LIPI: variants seen among roughly 807,000 people sequenced by gnomAD.
The protein encoded by LIPI is lipase I, also known as lipase member I.
In LIPI, 59 loss-of-function variants were observed where a neutral mutation model predicts 50.6. That is an observed-to-expected ratio of 1.16 (90% CI 0.94 to 1.45). The LOEUF is 1.45. LIPI is among the 40% of genes most tolerant of loss of function. The pLI, the probability that LIPI is intolerant of heterozygous loss-of-function variation, is 0.00. For missense variants in LIPI, 586 were observed against 536.3 expected, an observed-to-expected ratio of 1.09 and a Z score of -0.92; for synonymous variants, 203 against 178.2, an observed-to-expected ratio of 1.14 and a Z score of -1.11.
At chr21:14,138,451 A>G (rs904382974) in intron 9 of LIPI, among the ~76,000 whole-genome samples, 1 of 151,926 alleles carries the variant, frequency 6.6e-6, no homozygotes, top group African/African-American at 2.4e-5. Flanking sequence ...AATCCAATTA[A>G]GCTGAATAAC....
At chr21:14,195,089 A>G (rs550292805) in intron 1 of LIPI, among the ~76,000 whole-genome samples, 1 of 152,118 alleles carries the variant, frequency 6.6e-6, no homozygotes, top group Non-Finnish European at 1.5e-5. Flanking sequence ...TCAATTAATC[A>G]GAGTATAGCA....
chr21:14,150,635 A>T (rs1373560706), intron 8 of LIPI, among the ~76,000 whole-genome samples: 2 of 152,244 alleles, frequency 1.3e-5, no homozygotes, highest in Non-Finnish European at 2.9e-5. Flanking sequence ...AAGAATAAAT[A>T]ATAGATCATG....
intron 7 of LIPI, among the ~76,000 whole-genome samples, chr21:14,158,884 TA>T (rs1228117340): frequency 3.3e-5 from 5 of 150,626 alleles, no homozygotes; most frequent in Admixed American, 6.6e-5. Context: ...TTCAACACCT[TA>T]AAAAAAAGGA....
chr21:14,185,806 C>T (rs530419043), intron 3 of LIPI, among the ~76,000 whole-genome samples, 155 bp downstream of exon 3: 2 of 152,032 alleles, frequency 1.3e-5, no homozygotes, highest in Admixed American at 1.3e-4. Context: ...TCACTTAAGC[C>T]CACGAAGCAG....
intron 9 of LIPI, among the ~76,000 whole-genome samples, chr21:14,121,576 G>A (rs1321901433): frequency 1.3e-5 from 2 of 152,156 alleles, no homozygotes; most frequent in Admixed American, 1.3e-4. Flanking sequence ...ATACCTGTTA[G>A]CCTTACAGAT....
At chr21:14,113,066 G>T (rs943464159) in intron 9 of LIPI, among the ~76,000 whole-genome samples, 3 of 152,176 alleles carry the variant, frequency 2.0e-5, no homozygotes, top group Non-Finnish European at 4.4e-5. Flanking sequence ...AATAAATTTT[G>T]AAAGCAGGAC....
chr21:14,157,016 A>C (rs1410889848), intron 7 of LIPI, among the ~76,000 whole-genome samples: 1 of 151,890 alleles, frequency 6.6e-6, no homozygotes. Flanking sequence ...GCTTAGTGGA[A>C]TTATGTACTG....
intron 9 of LIPI, among the ~76,000 whole-genome samples, chr21:14,136,845 C>A (rs907605979): frequency 6.6e-6 from 1 of 152,124 alleles, no homozygotes; most frequent in South Asian, 2.1e-4. Context: ...GTCACTCCAC[C>A]CCCAGATTTA....
At position 14,166,398 on chromosome 21, in the gene LIPI, T is replaced by C; in HGVS notation, c.697A>G (p.Asn233Asp). 1 of 1,610,118 alleles carries C rather than the reference T, an allele frequency of 6.2e-7. No homozygotes were observed. Among genetic ancestry groups the C allele is most frequent in the African/African-American group, 1.3e-5 (1 of 74,950 alleles). ...GATTTAGGACAGCCAGGTTGTTTAT[T>C]TCCTCCATTTGGATAAAAATCTATA... ...GHIDFYPNGG[N>D]KQPGCPKSIF... is the part of the protein sequence containing the mutation. The change falls in exon 5 of 10, where the codon AAT (asparagine) becomes GAT (aspartate). Residue 233 changes from asparagine (N) to aspartate (D), a missense_variant. Coordinates refer to ENST00000681601, the MANE Select transcript of LIPI (RefSeq NM_001302998.2).
At chr21:14,190,372 C>A (rs539423853) in intron 1 of LIPI, among the ~76,000 whole-genome samples, 2 of 151,808 alleles carry the variant, frequency 1.3e-5, no homozygotes, top group Non-Finnish European at 2.9e-5. Context: ...AGTATATGTT[C>A]ATACTGCTTC....
intron 9 of LIPI, among the ~76,000 whole-genome samples, chr21:14,138,631 T>C (rs2017594024): frequency 6.6e-6 from 1 of 152,056 alleles, no homozygotes; most frequent in African/African-American, 2.4e-5. Context: ...GAAAAAATTG[T>C]CCCTAGCCAT....
chr21:14,163,616 A>G, intron 6 of LIPI, 93 bp from the exon 7 acceptor site: 1 of 726,978 alleles, frequency 1.4e-6, no homozygotes, highest in Non-Finnish European at 2.5e-6. Context: ...CAGTGCATAT[A>G]ATCATCATAA....
intron 8 of LIPI, among the ~76,000 whole-genome samples, chr21:14,149,859 C>A (rs1234945753): frequency 1.3e-5 from 2 of 152,204 alleles, no homozygotes; most frequent in African/African-American, 4.8e-5. Context: ...CAGGGTACGG[C>A]CCCTCTTCCA....
At chr21:14,155,296 A>G (rs9984592) in intron 7 of LIPI, among the ~76,000 whole-genome samples, 129,184 of 151,838 alleles carry the variant, frequency 0.85, 55,472 homozygotes, top group East Asian at 0.98. Flanking sequence ...ATGACAGAGA[A>G]AAAAAGATGG....
chr21:14,113,572 T>G (rs2016499326), intron 9 of LIPI, among the ~76,000 whole-genome samples: 2 of 152,146 alleles, frequency 1.3e-5, no homozygotes, highest in Non-Finnish European at 2.9e-5. Context: ...AGATCTTACT[T>G]CAAGTAGCCA....
intron 1 of LIPI, among the ~76,000 whole-genome samples, chr21:14,203,465 A>G (rs1368523732): frequency 6.6e-6 from 1 of 152,220 alleles, no homozygotes; most frequent in Non-Finnish European, 1.5e-5. Context: ...CTGGATTAAG[A>G]AAATGTGGCA....
chr21:14,137,738 A>C (rs2017555504), intron 9 of LIPI, among the ~76,000 whole-genome samples: 1 of 152,218 alleles, frequency 6.6e-6, no homozygotes, highest in African/African-American at 2.4e-5. Context: ...CTAGAGAAAG[A>C]TATCAATATC....
At chr21:14,118,059 C>T (rs1209962786) in intron 9 of LIPI, among the ~76,000 whole-genome samples, 1 of 151,670 alleles carries the variant, frequency 6.6e-6, no homozygotes, top group East Asian at 2.0e-4. Flanking sequence ...GCAAAGAGGG[C>T]ATTGGAAAGA....
intron 4 of LIPI, among the ~76,000 whole-genome samples, chr21:14,167,583 C>A (rs562082032): frequency 6.6e-6 from 1 of 152,194 alleles, no homozygotes; most frequent in Non-Finnish European, 1.5e-5. Flanking sequence ...GCAGCCACCA[C>A]GGCTGATACC....
Sources: allele counts gnomAD v4.1 joint callset (sites outside exome capture counted in the v4.1 genomes callset), GRCh38; gene constraint gnomAD v4.1.1; transcripts MANE v1.5; gene names NCBI Gene and HGNC (gene_info 2026-07-23, HGNC 2026-07-21).